HDAC9: variants seen among roughly 807,000 people sequenced by gnomAD.
HDAC9 encodes histone deacetylase 9.
Under a neutral mutation model 139.4 loss-of-function variants are expected in HDAC9, and 41 were observed. The observed-to-expected ratio is 0.29, with a 90% CI of 0.23 to 0.38. HDAC9 has a LOEUF of 0.38. HDAC9 is among the 10% of genes least tolerant of loss of function. The pLI, the probability that HDAC9 is intolerant of heterozygous loss-of-function variation, is 1.00. For missense variants in HDAC9, 1,147 were observed against 1,297.0 expected (o/e 0.88, Z 1.78); for synonymous variants, 517 against 476.2 (o/e 1.09, Z -1.12).
intron 13 of HDAC9, 64 bp from the exon 14 acceptor site, chr7:18,748,941 C>A: frequency 6.9e-7 from 1 of 1,457,944 alleles, no homozygotes; most frequent in Non-Finnish European, 9.5e-7. Flanking sequence ...CATATTATCT[C>A]CTAACATGTG....
intron 1 of HDAC9, among the ~76,000 whole-genome samples, chr7:18,477,992 T>C (rs1795250123): frequency 6.6e-6 from 1 of 152,138 alleles, no homozygotes. Flanking sequence ...GTCAATACTT[T>C]AATTGCCCAA....
chr7:18,535,092 G>A (rs1164733706), intron 2 of HDAC9, among the ~76,000 whole-genome samples: 1 of 152,132 alleles, frequency 6.6e-6, no homozygotes, highest in East Asian at 1.9e-4. Flanking sequence ...TCCTTTCAGT[G>A]GGGCTGTTAA....
intron 2 of HDAC9, among the ~76,000 whole-genome samples, chr7:18,181,100 G>GA (rs1277126969): frequency 2.0e-5 from 3 of 152,166 alleles, no homozygotes; most frequent in African/African-American, 7.2e-5. Context: ...GCATGTCTGG[G>GA]AAGTCCTTTT....
chr7:18,125,748 G>A (rs541679227), intron 1 of HDAC9, among the ~76,000 whole-genome samples: 27 of 152,200 alleles, frequency 1.8e-4, no homozygotes, highest in Middle Eastern at 6.8e-3. Flanking sequence ...ATGCACAATA[G>A]CTAAGCAAGT....
chr7:18,851,550 G>GT (rs1391209565), intron 21 of HDAC9: 2 of 152,180 alleles, frequency 1.3e-5, no homozygotes, highest in Non-Finnish European at 2.9e-5. Flanking sequence ...CTGTATAGCA[G>GT]TGACAAAACG....
chr7:18,940,233 A>T (rs866116247), intron 23 of HDAC9, among the ~76,000 whole-genome samples: 9 of 152,290 alleles, frequency 5.9e-5, no homozygotes, highest in Middle Eastern at 6.8e-3. Context: ...TGAGTGTTGC[A>T]CCCAAAACAT....
chr7:18,382,398 T>C (rs750070640), intron 1 of HDAC9, among the ~76,000 whole-genome samples: 1 of 152,236 alleles, frequency 6.6e-6, no homozygotes, highest in Non-Finnish European at 1.5e-5. Context: ...CTTTGAGATA[T>C]AATTCTTAGA....
intron 1 of HDAC9, among the ~76,000 whole-genome samples, chr7:18,334,696 A>G (rs577076473): frequency 1.3e-5 from 2 of 151,718 alleles, no homozygotes; most frequent in South Asian, 2.1e-4. Flanking sequence ...AAGAATAGGA[A>G]CAAAGATAAT....
At chr7:18,116,306 T>A (rs1783978874) in intron 1 of HDAC9, among the ~76,000 whole-genome samples, 1 of 152,224 alleles carries the variant, frequency 6.6e-6, no homozygotes, top group Non-Finnish European at 1.5e-5. Flanking sequence ...GTGAAAATTA[T>A]GCCTGCTTGG....
chr7:18,275,691 T>C (rs1796671978), intron 2 of HDAC9, among the ~76,000 whole-genome samples: 2 of 152,172 alleles, frequency 1.3e-5, no homozygotes, highest in Admixed American at 1.3e-4. Flanking sequence ...ATCTGCATGG[T>C]CAAGTACCTT....
intron 1 of HDAC9, among the ~76,000 whole-genome samples, chr7:18,352,409 TAGA>T (rs1398947675): frequency 1.3e-5 from 2 of 152,184 alleles, no homozygotes; most frequent in East Asian, 3.8e-4. Flanking sequence ...CTATTTGAGA[TAGA>T]AGGACTAAAA....
intron 2 of HDAC9, among the ~76,000 whole-genome samples, chr7:18,181,507 A>T (rs1789425411): frequency 6.6e-6 from 1 of 152,226 alleles, no homozygotes; most frequent in African/African-American, 2.4e-5. Flanking sequence ...CATTTCAGTA[A>T]CTACAAGGAT....
chr7:18,563,397 A>T (rs1172814513), intron 2 of HDAC9, among the ~76,000 whole-genome samples: 3 of 152,130 alleles, frequency 2.0e-5, no homozygotes, highest in Non-Finnish European at 4.4e-5. Flanking sequence ...AAAATATATA[A>T]GCTCCAGTTA....
intron 1 of HDAC9, among the ~76,000 whole-genome samples, chr7:18,091,999 TATA>T (rs1372865048): frequency 6.6e-6 from 1 of 152,162 alleles, no homozygotes; most frequent in Admixed American, 6.5e-5. Flanking sequence ...TATACTATAA[TATA>T]ATAGTGAGAG....
At chr7:18,483,508 T>C (rs991263122) in intron 1 of HDAC9, among the ~76,000 whole-genome samples, 2 of 152,218 alleles carry the variant, frequency 1.3e-5, no homozygotes, top group African/African-American at 4.8e-5. Flanking sequence ...ATTGTTGTTA[T>C]GATCATAGGA....
chr7:18,980,020 C>T (rs1487320378), intron 25 of HDAC9, among the ~76,000 whole-genome samples: 1 of 152,140 alleles, frequency 6.6e-6, no homozygotes, highest in Non-Finnish European at 1.5e-5. Flanking sequence ...TAATTTTCAT[C>T]CAGTGTCAAC....
chr7:18,906,073 G>T lies in HDAC9; in HGVS notation c.2804-29736G>T, dbSNP rs149269136. ...CCTTTCTTTTCTCTCCTTTTGCTTT[G>T]TCTCATTGACCCATAACCTCTGCTT... On this transcript the variant is annotated intron_variant, in intron 22 of 25. Transcript: ENST00000686413. Among the ~76,000 whole-genome samples the T allele has an allele frequency of 8.7e-3, 1,167 of 134,142 alleles. 20 individuals carry two copies. Among genetic ancestry groups the T allele is most frequent in the African/African-American group, 0.03 (1,096 of 35,976 alleles). The allele number at this position is 134,142 out of a possible 152,430, so 88.0% of individuals were successfully genotyped here.
intron 11 of HDAC9, among the ~76,000 whole-genome samples, chr7:18,665,612 A>AT (rs561224880): frequency 3.2e-4 from 49 of 152,072 alleles, no homozygotes; most frequent in Middle Eastern, 3.4e-3. Flanking sequence ...CTTATTGTTA[A>AT]TTTTTTTTAA....
At chr7:18,410,482 T>C (rs1788442306) in intron 1 of HDAC9, among the ~76,000 whole-genome samples, 1 of 152,212 alleles carries the variant, frequency 6.6e-6, no homozygotes, top group Non-Finnish European at 1.5e-5. Flanking sequence ...TTTCTGAGCG[T>C]GACAATTGTG....
Sources: allele counts gnomAD v4.1 joint callset (sites outside exome capture counted in the v4.1 genomes callset), GRCh38; gene constraint gnomAD v4.1.1; transcripts MANE v1.5; gene names NCBI Gene and HGNC (gene_info 2026-07-23, HGNC 2026-07-21).